VEGFC: variants seen among roughly 807,000 people sequenced by gnomAD.
VEGFC encodes FLT4 ligand DHM.
VEGFC carries 12 observed loss-of-function variants against 46.1 expected under a neutral mutation model. The ratio of observed to expected loss-of-function variants is 0.26; its 90% confidence interval spans 0.17 to 0.42. The LOEUF is 0.42. VEGFC is among the 10% of genes least tolerant of loss of function. The pLI is 1.00. For missense variants in VEGFC, 488 were observed against 529.4 expected (o/e 0.92, Z 0.77); for synonymous variants, 232 against 195.5 (o/e 1.19, Z -1.56).
At chr4:176,684,822 C>T (rs1734009795) in intron 6 of VEGFC, among the ~76,000 whole-genome samples, 1 of 152,156 alleles carries the variant, frequency 6.6e-6, no homozygotes, top group African/African-American at 2.4e-5. Flanking sequence ...GCCTCCTGGG[C>T]TCAAGCCATT....
intron 4 of VEGFC, among the ~76,000 whole-genome samples, chr4:176,693,235 T>C (rs1228257265): frequency 6.9e-6 from 1 of 144,466 alleles, no homozygotes; most frequent in Non-Finnish European, 1.5e-5. Flanking sequence ...TTGAAAAAAA[T>C]TTAGAAGAAT....
chr4:176,714,018 G>A (rs1003685165), intron 3 of VEGFC, among the ~76,000 whole-genome samples: 4 of 152,166 alleles, frequency 2.6e-5, no homozygotes, highest in Admixed American at 1.3e-4. Context: ...AAGAAGAGGT[G>A]CTCCATGTGA....
Position 176,687,154 on chromosome 4 carries a change from G to C in VEGFC, c.1145+33C>G, listed in dbSNP as rs376050804. On this transcript the variant is annotated intron_variant, in intron 6 of 6. Transcript: ENST00000618562. ...TTGGTTTAGAGCATATTTCTAGTAA[G>C]ATAAATTAATATTCTTCATGAGGAT... 279 of 1,577,624 alleles carry C rather than the reference G, an allele frequency of 1.8e-4. 6 individuals carry two copies. The South Asian group carries it at 2.9e-3, about 17-fold the overall frequency.
At chr4:176,759,706 T>C (rs1215963567) in intron 1 of VEGFC, among the ~76,000 whole-genome samples, 1 of 150,734 alleles carries the variant, frequency 6.6e-6, no homozygotes, top group Non-Finnish European at 1.5e-5. Context: ...ACCATGCATA[T>C]AGCCGAGTTT....
intron 6 of VEGFC, among the ~76,000 whole-genome samples, chr4:176,686,480 T>C: frequency 6.6e-6 from 1 of 152,148 alleles, no homozygotes; most frequent in Non-Finnish European, 1.5e-5. Context: ...TTGAAGATGT[T>C]CAAGTTACAG....
intron 4 of VEGFC, among the ~76,000 whole-genome samples, chr4:176,699,576 C>T (rs1176277808): frequency 9.9e-5 from 15 of 152,252 alleles, no homozygotes; most frequent in African/African-American, 3.1e-4. Flanking sequence ...GCTACAGAGC[C>T]CTGGGTAAAA....
chr4:176,689,883 G>C (rs1219054709), intron 4 of VEGFC, among the ~76,000 whole-genome samples: 1 of 152,116 alleles, frequency 6.6e-6, no homozygotes, highest in Non-Finnish European at 1.5e-5. Flanking sequence ...AAGAGAGTTT[G>C]TCACTTTTCT....
intron 1 of VEGFC, among the ~76,000 whole-genome samples, chr4:176,762,633 A>G (rs1420453605): frequency 6.6e-6 from 1 of 152,232 alleles, no homozygotes; most frequent in African/African-American, 2.4e-5. Flanking sequence ...TTTCTGAAAA[A>G]GTGCATCTAT....
chr4:176,729,502 GCTTACTATACATTTTAT>G lies in VEGFC; in HGVS notation c.361+14_361+30del. 1.3e-6 allele frequency: 2 copies of G among 1,590,378 alleles called. No homozygotes were observed. The highest frequency in any genetic ancestry group is 1.7e-6 in the Non-Finnish European group (2 of 1,168,354). On this transcript the variant is annotated intron_variant, in intron 2 of 6. Coordinates refer to ENST00000618562, the MANE Select transcript of VEGFC (RefSeq NM_005429.5). The stretch of plus-strand genomic sequence containing the variant: ...AACTTCTACTGGTTTGATATATAAG[GCTTACTATACATTTTAT>G]TTCCCATACTTACTTTTCAAGATCT...
intron 4 of VEGFC, among the ~76,000 whole-genome samples, chr4:176,706,462 A>ACT (rs562309098): frequency 6.1e-4 from 93 of 152,074 alleles, no homozygotes; most frequent in African/African-American, 2.1e-3. Flanking sequence ...CCCCATCTCT[A>ACT]CTAAAAATAC....
At chr4:176,697,181 A>T (rs1734331384) in intron 4 of VEGFC, among the ~76,000 whole-genome samples, 1 of 151,738 alleles carries the variant, frequency 6.6e-6, no homozygotes, top group Non-Finnish European at 1.5e-5. Flanking sequence ...AGAAACTACC[A>T]TCAGAGTGAA....
intron 1 of VEGFC, among the ~76,000 whole-genome samples, chr4:176,733,205 G>A (rs532316364): frequency 6.6e-6 from 1 of 151,984 alleles, no homozygotes; most frequent in African/African-American, 2.4e-5. Context: ...AAACAGTTGG[G>A]CAGTTTCTCA....
chr4:176,686,035 A>C (rs1434077860), intron 6 of VEGFC, among the ~76,000 whole-genome samples: 1 of 152,224 alleles, frequency 6.6e-6, no homozygotes, highest in Non-Finnish European at 1.5e-5. Context: ...TTTTCTGTTA[A>C]AAAGAACATT....
chr4:176,753,015 C>T (rs1229286140), intron 1 of VEGFC, among the ~76,000 whole-genome samples: 1 of 152,036 alleles, frequency 6.6e-6, no homozygotes, highest in Non-Finnish European at 1.5e-5. Flanking sequence ...TGCACAACTG[C>T]TAGTTGTCAT....
chr4:176,764,140 G>A (rs1735577076), intron 1 of VEGFC, among the ~76,000 whole-genome samples: 1 of 152,154 alleles, frequency 6.6e-6, no homozygotes, highest in South Asian at 2.1e-4. Context: ...TAACCATAGA[G>A]ACAGCCAAGC....
intron 4 of VEGFC, among the ~76,000 whole-genome samples, chr4:176,695,073 G>T (rs1394047968): frequency 2.9e-5 from 4 of 136,122 alleles, no homozygotes; most frequent in African/African-American, 1.1e-4. Flanking sequence ...AAAAGAACTA[G>T]AAAAGCAAGA....
chr4:176,720,864 A>T (rs1358673570), intron 3 of VEGFC, among the ~76,000 whole-genome samples: 1 of 132,896 alleles, frequency 7.5e-6, no homozygotes, highest in African/African-American at 2.7e-5. Flanking sequence ...AAAAAAAAAA[A>T]CCTAGGGAAT....
intron 1 of VEGFC, among the ~76,000 whole-genome samples, chr4:176,768,882 T>C (rs1321347199): frequency 6.6e-6 from 1 of 152,028 alleles, no homozygotes; most frequent in Non-Finnish European, 1.5e-5. Context: ...TCTCTCCTCT[T>C]TCCTGTCTTC....
chr4:176,693,791 C>A (rs941557627), intron 4 of VEGFC, among the ~76,000 whole-genome samples: 3 of 141,676 alleles, frequency 2.1e-5, no homozygotes, highest in African/African-American at 3.1e-5. Context: ...GGCAGAAACC[C>A]TACAAGCCAG....
Sources: allele counts gnomAD v4.1 joint callset (sites outside exome capture counted in the v4.1 genomes callset), GRCh38; gene constraint gnomAD v4.1.1; transcripts MANE v1.5; gene names NCBI Gene and HGNC (gene_info 2026-07-23, HGNC 2026-07-21).